GLG1: variants seen among roughly 807,000 people sequenced by gnomAD.
GLG1 encodes golgi glycoprotein 1, also known as Golgi apparatus protein 1.
GLG1 carries 38 observed loss-of-function variants against 160.5 expected under a neutral mutation model. The ratio of observed to expected loss-of-function variants is 0.24; its 90% CI spans 0.18 to 0.31. The LOEUF (loss-of-function observed/expected upper bound fraction) is 0.31, where lower values mean the gene tolerates loss of function less well. Ranked by LOEUF, GLG1 falls within the 10% of genes least tolerant of loss-of-function variation. The pLI is 1.00. For missense variants in GLG1, 1,373 were observed against 1,505.2 expected (o/e 0.91, Z 1.45); for synonymous variants, 644 against 543.4 (o/e 1.19, Z -2.57).
Position 74,452,314 on chromosome 16 carries a change from G to A in GLG1, c.*853C>T. 1 of 1,407,226 alleles carries A rather than the reference G, an allele frequency of 7.1e-7. No homozygotes were observed. Among genetic ancestry groups the A allele is most frequent in the Non-Finnish European group, 9.2e-7 (1 of 1,081,114 alleles). 87.2% of individuals were successfully genotyped at this position (1,407,226 alleles called of 1,614,324 possible). ...CATGGCTGAGTCCTGTGCTGCCCTGGAGGAGGAAGGTTCCTGGGATCCTGC... is the reference window on the plus strand; with the variant it reads ...CATGGCTGAGTCCTGTGCTGCCCTGAAGGAGGAAGGTTCCTGGGATCCTGC... On this transcript the variant is annotated 3_prime_UTR_variant, in exon 26 of 26. Transcript: ENST00000422840.
intron 2 of GLG1, among the ~76,000 whole-genome samples, chr16:74,518,645 G>A (rs141855115): frequency 0.01 from 1,569 of 152,196 alleles, 20 homozygotes; most frequent in Middle Eastern, 0.027. Context: ...CATAGGCATG[G>A]GCAAAGCAAT....
intron 2 of GLG1, among the ~76,000 whole-genome samples, chr16:74,516,431 T>C (rs1162735117): frequency 6.6e-6 from 1 of 151,994 alleles, no homozygotes; most frequent in East Asian, 1.9e-4. Context: ...ACATGGAAAC[T>C]GAACAACCTG....
At chr16:74,546,166 T>C (rs1380446651) in intron 1 of GLG1, among the ~76,000 whole-genome samples, 2 of 152,120 alleles carry the variant, frequency 1.3e-5, no homozygotes, top group Non-Finnish European at 2.9e-5. Flanking sequence ...ACACAAGGCT[T>C]TGTAGCTCAT....
chr16:74,566,962 C>T (rs1271755536), intron 1 of GLG1, among the ~76,000 whole-genome samples: 1 of 152,006 alleles, frequency 6.6e-6, no homozygotes, highest in African/African-American at 2.4e-5. Flanking sequence ...TATAGTCACG[C>T]AAAGAATATA....
At chr16:74,468,551 C>T in intron 17 of GLG1, 1 of 186,204 alleles carries the variant, frequency 5.4e-6, no homozygotes, top group Non-Finnish European at 1.1e-5. Flanking sequence ...TCTTTTAGTA[C>T]AGGCAGGGTT....
intron 20 of GLG1, 145 bp downstream of exon 20, chr16:74,463,211 A>G: frequency 1.4e-6 from 1 of 725,824 alleles, no homozygotes; most frequent in East Asian, 2.6e-5. Flanking sequence ...TGCTCCTCAA[A>G]GGAGGAAGGC....
chr16:74,583,679 C>G (rs1199512911), intron 1 of GLG1, among the ~76,000 whole-genome samples: 1 of 152,146 alleles, frequency 6.6e-6, no homozygotes, highest in Non-Finnish European at 1.5e-5. Context: ...GGCACCCAGC[C>G]TAAACTTTGA....
rs905935034 is a variant in GLG1, at chr16:74,448,618, G to A, written c.*4549C>T. The A allele has an allele frequency of 5.9e-5, 9 of 152,142 alleles. No individual in the cohort carries two copies. The highest frequency in any genetic ancestry group is 1.7e-4 in the African/African-American group (7 of 41,422). 9.4% of individuals were successfully genotyped at this position (152,142 alleles called of 1,614,324 possible). A position where few individuals can be genotyped will look rare whatever the true frequency, so the allele number is the denominator to read the frequency against. ...TAAGAAAAAATTATCCAGGCATGGT[G>A]GTGCATGCCCGTAATCCCAACTACT... On this transcript the variant is annotated 3_prime_UTR_variant, in exon 26 of 26. Coordinates refer to ENST00000422840, the MANE Select transcript of GLG1 (RefSeq NM_001145667.2).
intron 22 of GLG1, chr16:74,461,533 T>A (rs1308186788): frequency 1.5e-5 from 2 of 137,590 alleles, no homozygotes; most frequent in Non-Finnish European, 3.1e-5. Flanking sequence ...TGCAGTGGCA[T>A]GATCTCAGCT....
intron 19 of GLG1, among the ~76,000 whole-genome samples, chr16:74,464,804 A>G (rs1307777468): frequency 6.6e-6 from 1 of 152,152 alleles, no homozygotes; most frequent in Non-Finnish European, 1.5e-5. Flanking sequence ...GGAAAGCTGA[A>G]ATAAAGGAGC....
intron 6 of GLG1, among the ~76,000 whole-genome samples, chr16:74,494,358 C>T (rs2016106570): frequency 1.4e-5 from 2 of 147,364 alleles, no homozygotes; most frequent in Admixed American, 1.4e-4. Context: ...ATTTACGTTT[C>T]GGTATAAGAT....
chr16:74,558,458 CA>C (rs2018412020), intron 1 of GLG1, among the ~76,000 whole-genome samples: 1 of 152,020 alleles, frequency 6.6e-6, no homozygotes. Context: ...AAGATTATAC[CA>C]AAAAGGTTAA....
intron 7 of GLG1, among the ~76,000 whole-genome samples, chr16:74,492,104 A>G (rs1014077102): frequency 6.6e-6 from 1 of 150,920 alleles, no homozygotes; most frequent in Non-Finnish European, 1.5e-5. Flanking sequence ...AATGAAAACT[A>G]GGCCAGGCGC....
In GLG1 at chr16:74,498,468, T is replaced by TA. The variant is rs2016290421; in HGVS notation, c.775-1825dup. 6.1e-4 allele frequency among the ~76,000 whole-genome samples: 18 copies of TA among 29,686 alleles called. 4 individuals are homozygous for TA. The highest frequency in any genetic ancestry group is 8.9e-4 in the African/African-American group (9 of 10,110). 19.5% of individuals were successfully genotyped at this position (29,686 alleles called of 152,430 possible). ...AAAAAGTATATATATATATATATATTATATTTTATATATATATTTTATATA... is the reference window on the plus strand; with the variant it reads ...AAAAAGTATATATATATATATATATTAATATTTTATATATATATTTTATATA... On this transcript the variant is annotated intron_variant, in intron 4 of 25. Coordinates refer to ENST00000422840, the MANE Select transcript of GLG1 (RefSeq NM_001145667.2).
At chr16:74,492,498 C>A (rs577396933) in intron 7 of GLG1, among the ~76,000 whole-genome samples, 1 of 145,630 alleles carries the variant, frequency 6.9e-6, no homozygotes, top group Admixed American at 7.0e-5. Flanking sequence ...GGGATGCCAA[C>A]GTGGCAAAAC....
At chr16:74,460,851 A>C (rs561583619) in intron 22 of GLG1, among the ~76,000 whole-genome samples, 26 of 152,388 alleles carry the variant, frequency 1.7e-4, no homozygotes, top group African/African-American at 6.0e-4. Flanking sequence ...ATATATAACC[A>C]AATCAAATAC....
chr16:74,502,143 C>G (rs1436323190), intron 4 of GLG1, among the ~76,000 whole-genome samples: 2 of 152,208 alleles, frequency 1.3e-5, no homozygotes, highest in Non-Finnish European at 2.9e-5. Context: ...GTTTTATTTT[C>G]CATCATATTT....
chr16:74,485,896 T>C lies in GLG1; in HGVS notation c.1471A>G (p.Thr491Ala). 6.2e-7 allele frequency: 1 copy of C among 1,611,570 alleles called. No individual in the cohort carries two copies. Among genetic ancestry groups the C allele is most frequent in the Non-Finnish European group, 8.5e-7 (1 of 1,178,320 alleles). The change falls in exon 9 of 26, where the codon ACT becomes GCT. Residue 491 changes from threonine to alanine, a missense_variant. Thr to Ala is a moderately conservative substitution (Grantham distance 58). Coordinates refer to ENST00000422840, the MANE Select transcript of GLG1 (RefSeq NM_001145667.2). ...ATGCGGTAATCTGCACCAGGGTCAG[T>C]CTCCTGAATCAGTGTTTGAAGCTGA... ...QQALQTLIQE[T>A]DPGADYRIDR...
At chr16:74,556,264 C>T (rs1336009093) in intron 1 of GLG1, among the ~76,000 whole-genome samples, 1 of 152,084 alleles carries the variant, frequency 6.6e-6, no homozygotes, top group African/African-American at 2.4e-5. Context: ...ATAAGATATA[C>T]AGTTAGGTGC....
Sources: allele counts gnomAD v4.1 joint callset (sites outside exome capture counted in the v4.1 genomes callset), GRCh38; gene constraint gnomAD v4.1.1; transcripts MANE v1.5; gene names NCBI Gene and HGNC (gene_info 2026-07-23, HGNC 2026-07-21).